Variants in SORCS1 observed in about 807,000 individuals in gnomAD.
The protein encoded by SORCS1 is VPS10 domain-containing receptor SorCS1.
SORCS1 carries 60 observed loss-of-function variants against 146.1 expected under a neutral mutation model. The ratio of observed to expected loss-of-function variants is 0.41; its 90% confidence interval spans 0.33 to 0.51. The LOEUF is 0.51. Ranked by LOEUF, SORCS1 falls within the 20% of genes least tolerant of loss-of-function variation. SORCS1 has a pLI of 0.21. For synonymous variants in SORCS1, 637 were observed against 584.0 expected, an observed-to-expected ratio of 1.09 and a Z score of -1.31; for missense variants, 1,352 against 1,487.6, an observed-to-expected ratio of 0.91 and a Z score of 1.50.
intron 2 of SORCS1, among the ~76,000 whole-genome samples, chr10:106,888,893 G>A (rs1046723803): frequency 6.6e-6 from 1 of 152,212 alleles, no homozygotes; most frequent in Admixed American, 6.5e-5. Context: ...AACCACAGAT[G>A]TGAAAGCATC....
chr10:106,603,235 G>A (rs1341785413), intron 23 of SORCS1, among the ~76,000 whole-genome samples: 1 of 152,102 alleles, frequency 6.6e-6, no homozygotes, highest in African/African-American at 2.4e-5. Context: ...GATGCTTGAG[G>A]GGCAGGGCTT....
At chr10:106,920,593 G>T (rs1310829909) in intron 2 of SORCS1, among the ~76,000 whole-genome samples, 4 of 152,160 alleles carry the variant, frequency 2.6e-5, no homozygotes, top group Non-Finnish European at 5.9e-5. Context: ...AGGACGTGTG[G>T]TCATCTGCTC....
intron 2 of SORCS1, among the ~76,000 whole-genome samples, chr10:106,862,256 G>C (rs1950042409): frequency 6.6e-6 from 1 of 152,146 alleles, no homozygotes; most frequent in Non-Finnish European, 1.5e-5. Context: ...CAGAGTGTCA[G>C]GGTGAACGCA....
intron 2 of SORCS1, among the ~76,000 whole-genome samples, chr10:106,888,327 G>A (rs1403433109): frequency 6.6e-6 from 1 of 152,162 alleles, no homozygotes. Context: ...AAGGTATTTG[G>A]TGCTGGTGCC....
chr10:106,926,226 G>A (rs900102356), intron 2 of SORCS1, among the ~76,000 whole-genome samples: 1 of 152,142 alleles, frequency 6.6e-6, no homozygotes, highest in Admixed American at 6.5e-5. Flanking sequence ...TAAGCAGGGG[G>A]TTAATGTTTT....
chr10:107,090,733 C>T (rs76351612), intron 1 of SORCS1, among the ~76,000 whole-genome samples: 28 of 152,196 alleles, frequency 1.8e-4, no homozygotes, highest in Middle Eastern at 3.4e-3. Context: ...ATTGACTATA[C>T]GCATAATTTG....
intron 14 of SORCS1, among the ~76,000 whole-genome samples, chr10:106,674,713 T>C (rs962588216): frequency 3.9e-5 from 6 of 152,230 alleles, no homozygotes; most frequent in Non-Finnish European, 7.3e-5. Context: ...TTGATGAAAC[T>C]ATGCTCTGAC....
intron 1 of SORCS1, among the ~76,000 whole-genome samples, chr10:107,123,469 A>G (rs1459454233): frequency 6.6e-6 from 1 of 152,220 alleles, no homozygotes; most frequent in Non-Finnish European, 1.5e-5. Flanking sequence ...AAAGCAGGGA[A>G]TATGTCAAAA....
intron 2 of SORCS1, among the ~76,000 whole-genome samples, chr10:106,936,367 C>T (rs1411002608): frequency 6.6e-6 from 1 of 152,166 alleles, no homozygotes; most frequent in Non-Finnish European, 1.5e-5. Flanking sequence ...CAGTGAAGAG[C>T]TACTCAAGTC....
At chr10:107,122,826 A>G (rs1162893907) in intron 1 of SORCS1, among the ~76,000 whole-genome samples, 1 of 152,176 alleles carries the variant, frequency 6.6e-6, no homozygotes, top group African/African-American at 2.4e-5. Context: ...GAGGAAAAGG[A>G]AGGAAAACTC....
chr10:106,659,265 G>A (rs1271392597), intron 17 of SORCS1, among the ~76,000 whole-genome samples: 1 of 152,214 alleles, frequency 6.6e-6, no homozygotes, highest in African/African-American at 2.4e-5. Flanking sequence ...AAAGAAGAAA[G>A]CTTCTCTTGC....
At chr10:106,862,232 G>C (rs1303760424) in intron 2 of SORCS1, among the ~76,000 whole-genome samples, 1 of 152,102 alleles carries the variant, frequency 6.6e-6, no homozygotes, top group Non-Finnish European at 1.5e-5. Flanking sequence ...CAAATCACTG[G>C]AGACATTCAG....
At chr10:107,026,565 C>T (rs148252903) in intron 1 of SORCS1, among the ~76,000 whole-genome samples, 2,536 of 151,752 alleles carry the variant, frequency 0.017, 91 homozygotes, top group East Asian at 0.13. Context: ...TTGCAGTGAG[C>T]CGAGATTGCG....
chr10:106,849,727 T>C (rs1444785430), intron 2 of SORCS1, among the ~76,000 whole-genome samples: 2 of 151,414 alleles, frequency 1.3e-5, no homozygotes, highest in Non-Finnish European at 2.9e-5. Flanking sequence ...TTATCTACTT[T>C]TGGTCTTTGA....
At chr10:106,721,415 T>C (rs2135941097) in intron 6 of SORCS1, among the ~76,000 whole-genome samples, 1 of 139,522 alleles carries the variant, frequency 7.2e-6, no homozygotes, top group African/African-American at 2.5e-5. Context: ...GGTTTCATCT[T>C]TTCTATTCAA....
intron 5 of SORCS1, among the ~76,000 whole-genome samples, chr10:106,747,457 C>T (rs1286700443): frequency 1.3e-5 from 2 of 152,128 alleles, no homozygotes; most frequent in South Asian, 2.1e-4. Context: ...CCTGAGATTC[C>T]GATGCATAAA....
At chr10:107,150,233 T>C (rs1968670763) in intron 1 of SORCS1, among the ~76,000 whole-genome samples, 1 of 152,244 alleles carries the variant, frequency 6.6e-6, no homozygotes, top group South Asian at 2.1e-4. Flanking sequence ...TTAGTATTTT[T>C]ATTATTAAAG....
At chr10:107,007,742 C>G (rs1957516236) in intron 1 of SORCS1, among the ~76,000 whole-genome samples, 1 of 152,212 alleles carries the variant, frequency 6.6e-6, no homozygotes, top group Non-Finnish European at 1.5e-5. Flanking sequence ...CACACATGAG[C>G]CTTCTAGTAG....
At chr10:106,934,041 T>A (rs12775489) in intron 2 of SORCS1, among the ~76,000 whole-genome samples, 1 of 140,800 alleles carries the variant, frequency 7.1e-6, no homozygotes, top group Non-Finnish European at 1.5e-5. Context: ...TTGCAGTGAG[T>A]CGAGATCACA....
Sources: gnomAD v4.1 joint callset for allele counts (sites outside exome capture counted in the v4.1 genomes callset) on GRCh38, gnomAD v4.1.1 for gene constraint, MANE v1.5 for transcripts, NCBI Gene and HGNC (gene_info 2026-07-23, HGNC 2026-07-21) for gene names.